The following ZPBP variants were observed in gnomAD, a reference collection of about 807,000 sequenced individuals.
ZPBP encodes the protein zona pellucida-binding protein 1.
ZPBP carries 26 observed loss-of-function variants against 44.8 expected under a neutral mutation model. The ratio of observed to expected loss-of-function variants is 0.58; its 90% confidence interval spans 0.43 to 0.81. The LOEUF is 0.81. Among genes scored for constraint, ZPBP ranks in the 30% least tolerant of loss-of-function variants. The pLI, the probability that ZPBP is intolerant of heterozygous loss-of-function variation, is 0.00. For missense variants in ZPBP, 409 were observed against 434.0 expected (o/e 0.94, Z 0.51); for synonymous variants, 174 against 153.2 (o/e 1.14, Z -1.00).
At chr7:50,077,561 A>C (rs529643297) in intron 3 of ZPBP, among the ~76,000 whole-genome samples, 2 of 151,912 alleles carry the variant, frequency 1.3e-5, no homozygotes, top group Non-Finnish European at 3.0e-5. Context: ...AAAAACTAAT[A>C]ATCTGACAAA....
At chr7:49,859,790 G>GCACGCACA (rs1790576408) in intron 2 of ZPBP, among the ~76,000 whole-genome samples, 1 of 12,024 alleles carries the variant, frequency 8.3e-5, no homozygotes, top group African/African-American at 3.2e-4. Context: ...GCGCGTGCGT[G>GCACGCACA]CACACACACA....
At chr7:50,015,926 G>T (rs1798799085) in intron 6 of ZPBP, among the ~76,000 whole-genome samples, 1 of 152,106 alleles carries the variant, frequency 6.6e-6, no homozygotes, top group Admixed American at 6.6e-5. Flanking sequence ...ATGTTGGTAA[G>T]GTTATAGAGA....
chr7:49,943,788 G>A, intron 7 of ZPBP: 1 of 240,748 alleles, frequency 4.2e-6, no homozygotes. Context: ...TACAACATCT[G>A]GTGAATCTAT....
At chr7:49,874,324 T>A (rs147843885) in intron 2 of ZPBP, among the ~76,000 whole-genome samples, 4 of 152,326 alleles carry the variant, frequency 2.6e-5, no homozygotes, top group African/African-American at 9.6e-5. Context: ...GATACACAAA[T>A]CTTTACCATT....
chr7:49,984,668 C>T (rs373189248), intron 6 of ZPBP, among the ~76,000 whole-genome samples: 37 of 152,254 alleles, frequency 2.4e-4, no homozygotes, highest in Admixed American at 7.9e-4. Flanking sequence ...CAGTAACGTT[C>T]GCTTGCTGCT....
At chr7:49,858,336 A>G (rs973062865) in intron 2 of ZPBP, among the ~76,000 whole-genome samples, 6 of 152,152 alleles carry the variant, frequency 3.9e-5, no homozygotes, top group Admixed American at 1.3e-4. Context: ...CTGGATTAAG[A>G]AAATGTGGCA....
At chr7:49,981,436 T>G (rs1287658426) in intron 7 of ZPBP, among the ~76,000 whole-genome samples, 1 of 50,176 alleles carries the variant, frequency 2.0e-5, no homozygotes, top group Non-Finnish European at 3.1e-5. Context: ...AAAATATATA[T>G]AATATATATT....
chr7:49,911,918 T>TACACAC, intron 1 of ZPBP: 5 of 223,036 alleles, frequency 2.2e-5, no homozygotes, highest in East Asian at 1.9e-4. Flanking sequence ...AACAAACAAA[T>TACACAC]ACACGCACAC....
chr7:50,015,305 T>C (rs980331589), intron 6 of ZPBP, among the ~76,000 whole-genome samples: 16 of 152,102 alleles, frequency 1.1e-4, no homozygotes, highest in African/African-American at 3.6e-4. Context: ...AGCTTCATTG[T>C]TTGGAAGCTT....
downstream of ZPBP, among the ~76,000 whole-genome samples, chr7:49,936,489 G>A (rs1209542994): frequency 3.3e-5 from 5 of 152,172 alleles, no homozygotes; most frequent in East Asian, 9.6e-4. Context: ...CTGTCCTCCT[G>A]CCAATGTATT....
At position 50,085,365 on chromosome 7, in the gene ZPBP, T is replaced by G. The variant is rs185191670; in HGVS notation, c.209-3466A>C. 1.6e-3 allele frequency among the ~76,000 whole-genome samples: 249 copies of G among 152,234 alleles called. 3 individuals are homozygous for G. The highest frequency in any genetic ancestry group is 5.6e-3 in the African/African-American group (233 of 41,548). ...GCCACCCTGTCTGTGGTTCTTTTGT[T>G]CCAGCATCCCTAAGGAACTAATTAA... On this transcript the variant is annotated intron_variant, in intron 2 of 7. Transcript: ENST00000046087.
chr7:49,888,399 A>G (rs1791987816), intron 2 of ZPBP, among the ~76,000 whole-genome samples: 1 of 152,232 alleles, frequency 6.6e-6, no homozygotes, highest in Admixed American at 6.5e-5. Flanking sequence ...TAGGTATGGT[A>G]TAGAGCTACA....
At chr7:50,071,981 G>C (rs1366547780) in intron 3 of ZPBP, among the ~76,000 whole-genome samples, 1 of 152,182 alleles carries the variant, frequency 6.6e-6, no homozygotes, top group East Asian at 1.9e-4. Flanking sequence ...CCTTCTGCTT[G>C]AGAAATGCAG....
chr7:49,882,654 G>A (rs191562397), intron 2 of ZPBP, among the ~76,000 whole-genome samples: 9 of 152,152 alleles, frequency 5.9e-5, no homozygotes, highest in South Asian at 2.1e-4. Context: ...TAAACACTAC[G>A]TCTCATCCCT....
At chr7:49,979,996 TTA>T (rs1276736859) in intron 7 of ZPBP, among the ~76,000 whole-genome samples, 2 of 101,400 alleles carry the variant, frequency 2.0e-5, no homozygotes, top group East Asian at 2.6e-4. Flanking sequence ...TAATTTTATA[TTA>T]TATATTATAT....
intron 4 of ZPBP, among the ~76,000 whole-genome samples, chr7:50,043,471 G>T (rs1800194810): frequency 6.6e-6 from 1 of 152,192 alleles, no homozygotes; most frequent in African/African-American, 2.4e-5. Context: ...AAAATAAAGG[G>T]ATGGGGGAAT....
chr7:49,917,129 C>T (rs1483151154), intron 1 of ZPBP: 1 of 152,066 alleles, frequency 6.6e-6, no homozygotes, highest in East Asian at 1.9e-4. Flanking sequence ...TAATTAAACA[C>T]CTCAGTAGGT....
At chr7:49,973,503 G>A (rs556230142) in intron 7 of ZPBP, among the ~76,000 whole-genome samples, 1 of 151,898 alleles carries the variant, frequency 6.6e-6, no homozygotes, top group Admixed American at 6.6e-5. Flanking sequence ...AACAAAAAAG[G>A]CAACCTAATT....
chr7:49,971,357 C>G (rs748284672), intron 7 of ZPBP, among the ~76,000 whole-genome samples: 2 of 151,976 alleles, frequency 1.3e-5, no homozygotes, highest in Admixed American at 6.6e-5. Flanking sequence ...AGGGAACAAA[C>G]TTTAGCTAAA....
Sources: gnomAD v4.1 joint callset for allele counts (sites outside exome capture counted in the v4.1 genomes callset) on GRCh38, gnomAD v4.1.1 for gene constraint, MANE v1.5 for transcripts, NCBI Gene and HGNC (gene_info 2026-07-23, HGNC 2026-07-21) for gene names.